The following CHST11 variants were observed in gnomAD, a reference collection of about 807,000 sequenced individuals.
CHST11 encodes C4S-1.
Under a neutral mutation model 30.4 loss-of-function variants are expected in CHST11, and 9 were observed. That is an observed-to-expected ratio of 0.30 (90% CI 0.18 to 0.52). The LOEUF (loss-of-function observed/expected upper bound fraction) is 0.52. Ranked by LOEUF, CHST11 falls within the 20% of genes least tolerant of loss-of-function variation. CHST11 has a pLI of 0.97. For synonymous variants in CHST11, 152 were observed against 187.8 expected (o/e 0.81, Z 1.56); for missense variants, 348 against 460.6 (o/e 0.76, Z 2.24).
At position 104,458,573 on chromosome 12, in the gene CHST11, G is replaced by A. The variant is rs918718714; in HGVS notation, c.118+1044G>A. Among the ~76,000 whole-genome samples the A allele has an allele frequency of 6.6e-6, 1 of 152,232 alleles. No homozygotes were observed. On this transcript the variant is annotated intron_variant, in intron 1 of 2. Coordinates refer to ENST00000303694, the MANE Select transcript of CHST11 (RefSeq NM_018413.6). The surrounding 1 kb of genome is among the most constrained non-coding windows in gnomAD (Gnocchi z 5.7). ...GGCTGCGAAGCCCAACAGGTAGAAC[G>A]TTCCGAGAAGCCTTCCGGGTAACGC... is the stretch of plus-strand genomic sequence containing the variant.
chr12:104,638,845 C>G (rs2039349241), intron 2 of CHST11, among the ~76,000 whole-genome samples: 3 of 152,164 alleles, frequency 2.0e-5, no homozygotes, highest in Non-Finnish European at 4.4e-5. Flanking sequence ...TTTCTGCTTC[C>G]TAGAACTCGA....
chr12:104,569,937 G>C lies in CHST11; in HGVS notation c.119-31969G>C, dbSNP rs140144052. ...AAGGAACTTCCTTTGCATGCGGTCA[G>C]AGTGCTGGGCCATCTGAACAGCCCC... is the stretch of plus-strand genomic sequence containing the variant. On this transcript the variant is annotated intron_variant, in intron 1 of 2. Transcript: ENST00000303694. 7.9e-5 allele frequency among the ~76,000 whole-genome samples: 12 copies of C among 152,292 alleles called. 1 individual carries two copies. In the East Asian group the frequency reaches 2.3e-3, roughly 29 times the overall value.
At chr12:104,724,566 GT>G (rs1014730608) in intron 2 of CHST11, among the ~76,000 whole-genome samples, 1 of 152,084 alleles carries the variant, frequency 6.6e-6, no homozygotes, top group African/African-American at 2.4e-5. Context: ...TTCACACAGG[GT>G]TAGGAGCAGC....
intron 2 of CHST11, among the ~76,000 whole-genome samples, chr12:104,662,572 G>A (rs1234193931): frequency 6.6e-6 from 1 of 152,124 alleles, no homozygotes; most frequent in Non-Finnish European, 1.5e-5. Flanking sequence ...AATATGGATC[G>A]TGTTTGCTTT....
At position 104,488,748 on chromosome 12, in the gene CHST11, T is replaced by C. The variant is rs925372934; in HGVS notation, c.118+31219T>C. 7.5e-3 allele frequency among the ~76,000 whole-genome samples: 1,051 copies of C among 140,994 alleles called. 7 individuals are homozygous for C. The highest frequency in any genetic ancestry group is 0.012 in the Non-Finnish European group (810 of 65,764). The allele number at this position is 140,994 out of a possible 152,430, so 92.5% of individuals were successfully genotyped here. ...ATGTGTGTATGTGTACGCGTGTGTGTGTGTGTGTGTGTGTGTGTGTGTGTC... is the reference window on the plus strand; with the variant it reads ...ATGTGTGTATGTGTACGCGTGTGTGCGTGTGTGTGTGTGTGTGTGTGTGTC... On this transcript the variant is annotated intron_variant, in intron 1 of 2. Transcript: ENST00000303694.
At chr12:104,632,516 T>C (rs983917809) in intron 2 of CHST11, among the ~76,000 whole-genome samples, 1 of 152,182 alleles carries the variant, frequency 6.6e-6, no homozygotes. Context: ...GTCCTAGAGC[T>C]TCTCATCAAA....
intron 2 of CHST11, among the ~76,000 whole-genome samples, chr12:104,722,701 G>A (rs1213356176): frequency 2.6e-5 from 4 of 151,996 alleles, no homozygotes; most frequent in Non-Finnish European, 5.9e-5. Flanking sequence ...GCTGGAAAGA[G>A]TGTCCAAAGA....
rs372743782 is a variant in CHST11, at chr12:104,501,732, C to T, written c.118+44203C>T. Among the ~76,000 whole-genome samples the T allele has an allele frequency of 1.1e-4, 17 of 152,320 alleles. No homozygotes were observed. In the South Asian group the frequency reaches 2.5e-3, roughly 22 times the overall value. ...AGTTATGGTCTGCAAACGGTGAGCT[C>T]CTTCAGGTCCACCCACCAGATGCTG... On this transcript the variant is annotated intron_variant, in intron 1 of 2. Transcript: ENST00000303694.
intron 2 of CHST11, among the ~76,000 whole-genome samples, chr12:104,702,289 A>T (rs1411566186): frequency 6.6e-6 from 1 of 152,248 alleles, no homozygotes; most frequent in Non-Finnish European, 1.5e-5. Flanking sequence ...TGCATGCCAG[A>T]CACTTCTAAG....
chr12:104,653,766 G>T (rs925412858), intron 2 of CHST11, among the ~76,000 whole-genome samples: 1 of 152,110 alleles, frequency 6.6e-6, no homozygotes. Context: ...AGTGAGGAAC[G>T]GAGGCTCGAG....
intron 1 of CHST11, among the ~76,000 whole-genome samples, chr12:104,538,501 G>A (rs1482390395): frequency 1.3e-5 from 2 of 152,228 alleles, no homozygotes; most frequent in East Asian, 3.8e-4. Context: ...TTCTTTGGGA[G>A]AGAGTCATTA....
chr12:104,478,082 G>T (rs929367044), intron 1 of CHST11, among the ~76,000 whole-genome samples: 7 of 152,168 alleles, frequency 4.6e-5, no homozygotes, highest in Non-Finnish European at 1.5e-5. Flanking sequence ...CCCCCTAACA[G>T]GAAGTGGGGG....
intron 1 of CHST11, among the ~76,000 whole-genome samples, chr12:104,487,517 C>T (rs1359302606): frequency 2.6e-5 from 4 of 152,244 alleles, no homozygotes; most frequent in Admixed American, 2.0e-4. Context: ...CCGCTTCAAC[C>T]TCCCAAAGTG....
At chr12:104,534,044 T>C (rs991620825) in intron 1 of CHST11, among the ~76,000 whole-genome samples, 81 of 152,070 alleles carry the variant, frequency 5.3e-4, no homozygotes, top group African/African-American at 2.0e-3. Flanking sequence ...CATTTTTTAA[T>C]AGAGAAAGGG....
intron 1 of CHST11, among the ~76,000 whole-genome samples, chr12:104,578,340 A>G (rs563137835): frequency 2.0e-5 from 3 of 152,254 alleles, no homozygotes; most frequent in Admixed American, 2.0e-4. Context: ...ACCTAACGAT[A>G]AGTTTTCCTG....
intron 1 of CHST11, chr12:104,553,318 C>T (rs2038422615): frequency 6.6e-6 from 1 of 152,176 alleles, no homozygotes; most frequent in East Asian, 1.9e-4. Context: ...ACGAAGTGCA[C>T]TTTGAGCTGA....
At chr12:104,469,150 A>T (rs2037485024) in intron 1 of CHST11, among the ~76,000 whole-genome samples, 1 of 152,176 alleles carries the variant, frequency 6.6e-6, no homozygotes, top group Non-Finnish European at 1.5e-5. Flanking sequence ...TGCGTCCTAC[A>T]CTGTAAGATT....
rs927806521 is a variant in CHST11, at chr12:104,474,893, C to T, written c.118+17364C>T. 1.3e-4 allele frequency among the ~76,000 whole-genome samples: 20 copies of T among 152,280 alleles called. No individual in the cohort carries two copies. The East Asian group carries it at 1.3e-3, about 10-fold the overall frequency. On this transcript the variant is annotated intron_variant, in intron 1 of 2. Transcript: ENST00000303694. ...CGAAGCATGGGGGAAGGTCCTTGGA[C>T]GGCGGTAGGGGGTCCCAGTAAACCC... is the stretch of plus-strand genomic sequence containing the variant.
chr12:104,517,109 C>A (rs1200692040), intron 1 of CHST11, among the ~76,000 whole-genome samples: 1 of 152,182 alleles, frequency 6.6e-6, no homozygotes, highest in Non-Finnish European at 1.5e-5. Context: ...GGTTTAGTAA[C>A]ATTCCCAGGC....
Sources: gnomAD v4.1 joint callset for allele counts (sites outside exome capture counted in the v4.1 genomes callset) on GRCh38, gnomAD v4.1.1 for gene constraint, Gnocchi (gnomAD v3.1) non-coding constraint, MANE v1.5 for transcripts, NCBI Gene and HGNC (gene_info 2026-07-23, HGNC 2026-07-21) for gene names.